Variants in KPNA7 observed in about 807,000 individuals in gnomAD.
KPNA7 encodes the protein importin subunit alpha-8.
A neutral mutation model predicts 53.7 loss-of-function variants in KPNA7; 54 were observed. The ratio of observed to expected loss-of-function variants is 1.01; its 90% CI spans 0.81 to 1.26. KPNA7 has a LOEUF of 1.26. Among genes scored for constraint, KPNA7 ranks in the 50% most tolerant of loss-of-function variants. The pLI is 0.00. For missense variants in KPNA7, 640 were observed against 644.5 expected, an observed-to-expected ratio of 0.99 and a Z score of 0.07; for synonymous variants, 276 against 259.3, an observed-to-expected ratio of 1.06 and a Z score of -0.62.
At chr7:99,201,048 A>G (rs141591470) in intron 3 of KPNA7, among the ~76,000 whole-genome samples, 1 of 152,340 alleles carries the variant, frequency 6.6e-6, no homozygotes, top group Non-Finnish European at 1.5e-5. Flanking sequence ...TGAAGTATTG[A>G]TATATGCTAC....
downstream of KPNA7, among the ~76,000 whole-genome samples, chr7:99,170,937 G>C (rs1269174651): frequency 6.6e-6 from 1 of 152,072 alleles, no homozygotes; most frequent in African/African-American, 2.4e-5. Context: ...TCAACCAGGA[G>C]TCAAAACAAA....
intron 10 of KPNA7, among the ~76,000 whole-genome samples, chr7:99,176,742 G>T (rs985354210): frequency 6.6e-6 from 1 of 152,098 alleles, no homozygotes; most frequent in African/African-American, 2.4e-5. Context: ...CTGCCGGCAT[G>T]GTGGTGCATG....
chr7:99,146,231 GT>G, the KPNA7 span, among the ~76,000 whole-genome samples: 1 of 152,062 alleles, frequency 6.6e-6, no homozygotes. Context: ...TAATTTTGTT[GT>G]TTTTCTCCCC....
At chr7:99,149,656 C>T in the KPNA7 span, among the ~76,000 whole-genome samples, 232 of 152,322 alleles carry the variant, frequency 1.5e-3, no homozygotes, top group African/African-American at 5.3e-3. Context: ...GTGAATGCCT[C>T]TTGAGAGCAC....
chr7:99,172,204 C>T (rs566909582), downstream of KPNA7, among the ~76,000 whole-genome samples: 4 of 152,234 alleles, frequency 2.6e-5, no homozygotes, highest in African/African-American at 7.2e-5. Flanking sequence ...ATTCGAACAT[C>T]GTCTTTAGAT....
In KPNA7 at chr7:99,213,502, G is replaced by A. The variant is rs79801367; in HGVS notation, c.-23-6013C>T. Among the ~76,000 whole-genome samples, 611 of 150,182 alleles carry A rather than the reference G, an allele frequency of 4.1e-3. 2 individuals are homozygous for A. The highest frequency in any genetic ancestry group is 0.014 in the African/African-American group (561 of 40,802). ...ATTGTTGCCCAGGCTGAAGTGCAGC[G>A]GAGCAATCATAACTCACTGCAGCCT... On this transcript the variant is annotated intron_variant, in intron 1 of 10. Coordinates refer to the KPNA7 transcript ENST00000681060.
chr7:99,215,285 T>C (rs1791186521), intron 1 of KPNA7, among the ~76,000 whole-genome samples: 1 of 140,798 alleles, frequency 7.1e-6, no homozygotes, highest in Non-Finnish European at 1.5e-5. Flanking sequence ...GGCACTGGAA[T>C]CGCTTGAACC....
At chr7:99,171,447 A>T (rs930973171), downstream of KPNA7, among the ~76,000 whole-genome samples, 1 of 151,092 alleles carries the variant, frequency 6.6e-6, no homozygotes, top group African/African-American at 2.4e-5. Flanking sequence ...TCCTCATGCG[A>T]TCGTTTGTTT....
chr7:99,174,368 TATTTC>T (rs1798829784), intron 10 of KPNA7, among the ~76,000 whole-genome samples: 1 of 152,152 alleles, frequency 6.6e-6, no homozygotes, highest in Non-Finnish European at 1.5e-5. Context: ...GCTGTATAAT[TATTTC>T]ATTATATATT....
chr7:99,177,370 G>A (rs1347632622), intron 10 of KPNA7, among the ~76,000 whole-genome samples: 1 of 152,166 alleles, frequency 6.6e-6, no homozygotes, highest in Admixed American at 6.5e-5. Flanking sequence ...ATCACTTGAG[G>A]CCAGGAGTTT....
intron 8 of KPNA7, among the ~76,000 whole-genome samples, chr7:99,182,942 G>A (rs1269534474): frequency 6.6e-6 from 1 of 152,048 alleles, no homozygotes; most frequent in Non-Finnish European, 1.5e-5. Flanking sequence ...CAGCCCAGAG[G>A]TGACAGAGAA....
At chr7:99,195,506 G>C (rs1790184880) in intron 4 of KPNA7, among the ~76,000 whole-genome samples, 168 bp from the exon 5 acceptor site, 1 of 152,084 alleles carries the variant, frequency 6.6e-6, no homozygotes, top group South Asian at 2.1e-4. Context: ...AGACCAGCCT[G>C]GCCAACATGG....
intron 6 of KPNA7, among the ~76,000 whole-genome samples, chr7:99,189,447 G>A (rs1345247807): frequency 4.0e-5 from 6 of 151,752 alleles, no homozygotes; most frequent in African/African-American, 9.7e-5. Flanking sequence ...TAAAGATTCC[G>A]CCCAGAATCA....
At position 99,185,149 on chromosome 7, in the gene KPNA7, C is replaced by A; in HGVS notation, c.914G>T (p.Arg305Leu). The A allele has an allele frequency of 6.4e-7, 1 of 1,551,566 alleles. No individual in the cohort carries two copies. Residue 305 changes from arginine (R) to leucine (L), a missense_variant, in exon 8 of 11, where the codon CGC becomes CTC. Arg to Leu is a moderately radical substitution (Grantham distance 102). Transcript: ENST00000327442. ...SELNVLTPSL[R>L]TVGNIVTGTD... ...GCCCGTGACAATGTTCCCCACGGTGCGGAGAGAAGGAGTCTGGAAGAGCAA... is the reference window on the plus strand; with the variant it reads ...GCCCGTGACAATGTTCCCCACGGTGAGGAGAGAAGGAGTCTGGAAGAGCAA...
chr7:99,152,824 G>A, the KPNA7 span, among the ~76,000 whole-genome samples: 2 of 152,188 alleles, frequency 1.3e-5, no homozygotes, highest in Admixed American at 1.3e-4. Flanking sequence ...TCTTCTCTGA[G>A]TGCAGGATGA....
chr7:99,161,251 CT>C, the KPNA7 span, among the ~76,000 whole-genome samples: 1 of 34,952 alleles, frequency 2.9e-5, no homozygotes, highest in African/African-American at 5.8e-5. Flanking sequence ...CTCTCTCTCT[CT>C]CTCTCTCTCT....
rs554262934 is a variant in KPNA7, at chr7:99,177,851, A to G, written c.1464+69T>C. 8.0e-6 allele frequency: 12 copies of G among 1,498,974 alleles called. No homozygotes were observed. The East Asian group carries it at 9.9e-5, about 12-fold the overall frequency. 92.9% of individuals were successfully genotyped at this position (1,498,974 alleles called of 1,614,324 possible). The stretch of plus-strand genomic sequence containing the variant: ...CACACGCAACAGCCCAGGCCCCGGC[A>G]GGGTGACCCTCTGCAGAGCTGCCCC... On this transcript the variant is annotated intron_variant, in intron 10 of 10. Transcript: ENST00000327442.
the KPNA7 span, among the ~76,000 whole-genome samples, chr7:99,155,722 ATTTTT>A: frequency 3.6e-5 from 5 of 138,876 alleles, no homozygotes; most frequent in South Asian, 1.1e-3. Context: ...CACCACACTA[ATTTTT>A]TTTTTTTTTG....
In KPNA7 at chr7:99,196,107, A is replaced by G. The variant is rs937750192; in HGVS notation, c.261T>C (p.Cys87=). Residue 87 remains cysteine (C), a synonymous_variant, in exon 4 of 11, where the codon TGT becomes TGC. Transcript: ENST00000327442. ...KGVNSSDPVL[C]FQATQTARKM... is the part of the protein sequence containing the mutation. Reference sequence around the variant, plus strand: ...ACCTGGCTGTCTGGGTGGCCTGGAAACATAGGACTGGATCTGAGCTATTCA... The same window carrying G: ...ACCTGGCTGTCTGGGTGGCCTGGAAGCATAGGACTGGATCTGAGCTATTCA... 1.3e-6 allele frequency: 2 copies of G among 1,551,714 alleles called. No individual in the cohort carries two copies. Among genetic ancestry groups the G allele is most frequent in the Non-Finnish European group, 1.7e-6 (2 of 1,147,006 alleles).
Sources: gnomAD v4.1 joint callset for allele counts (sites outside exome capture counted in the v4.1 genomes callset) on GRCh38, gnomAD v4.1.1 for gene constraint, MANE v1.5 for transcripts, NCBI Gene and HGNC (gene_info 2026-07-23, HGNC 2026-07-21) for gene names.